NBPF11: variants seen among roughly 807,000 people sequenced by gnomAD.
The protein encoded by NBPF11 is NBPF member 11, also known as NBPF family member NBPF11.
NBPF11 carries 72 observed loss-of-function variants against 93.9 expected under a neutral mutation model. The ratio of observed to expected loss-of-function variants is 0.77; its 90% CI spans 0.63 to 0.93. The LOEUF is 0.93. NBPF11 is among the 40% of genes least tolerant of loss of function. NBPF11 has a pLI of 0.00. For synonymous variants in NBPF11, 224 were observed against 304.9 expected (o/e 0.73, Z 2.76); for missense variants, 705 against 802.2 (o/e 0.88, Z 1.46).
intron 14 of NBPF11, among the ~76,000 whole-genome samples, chr1:148,115,553 C>T (rs1553269332): frequency 6.6e-6 from 1 of 151,750 alleles, no homozygotes; most frequent in Middle Eastern, 3.2e-3. Flanking sequence ...GCCTGTGCAC[C>T]TCCTGCACTG....
At position 148,105,399 on chromosome 1, in the gene NBPF11, A is replaced by G. The variant is rs1663307079; in HGVS notation, c.2433T>C (p.His811=). The stretch of plus-strand genomic sequence containing the variant: ...GAAAAGCCAACATGTTTTTCCTCCA[A>G]TGCATAAAAGGAACTTCCGTAGGGC... ...PASPTEVPFM[H]WRKNMLAFLL... The change falls in exon 22 of 24, where the codon CAT becomes CAC. Residue 811 remains histidine, a synonymous_variant. Transcript: ENST00000682118. 14 of 1,001,268 alleles carry G rather than the reference A, an allele frequency of 1.4e-5. No individual in the cohort carries two copies. In the East Asian group the frequency reaches 2.1e-4, roughly 15 times the overall value. 62.0% of individuals were successfully genotyped at this position (1,001,268 alleles called of 1,614,324 possible). A position where few individuals can be genotyped will look rare whatever the true frequency, so the allele number is the denominator to read the frequency against.
chr1:148,121,793 C>G (rs1387147266), intron 9 of NBPF11, among the ~76,000 whole-genome samples: 8 of 152,012 alleles, frequency 5.3e-5, no homozygotes, highest in Non-Finnish European at 1.0e-4. Context: ...AGGCGGGCAG[C>G]ACCATGCCTG....
chr1:148,107,529 A>G (rs1426499898), intron 19 of NBPF11, among the ~76,000 whole-genome samples, 182 bp downstream of exon 19: 1 of 152,290 alleles, frequency 6.6e-6, no homozygotes, highest in African/African-American at 2.4e-5. Flanking sequence ...AAGTTAGTAA[A>G]TGACAAGGGG....
At chr1:148,125,206 A>C (rs1553272793) in intron 5 of NBPF11, among the ~76,000 whole-genome samples, 11 of 151,730 alleles carry the variant, frequency 7.2e-5, no homozygotes, top group East Asian at 1.9e-4. Flanking sequence ...AGAAAGAGAA[A>C]CTCAAGGGCG....
chr1:148,132,144 G>GTA (rs1302793020), intron 4 of NBPF11, among the ~76,000 whole-genome samples: 1,880 of 137,436 alleles, frequency 0.014, 10 homozygotes, highest in East Asian at 0.043. Context: ...GTGTGTGTGT[G>GTA]TATATATATA....
At chr1:148,127,247 A>T (rs1379317776) in intron 4 of NBPF11, 2 of 229,082 alleles carry the variant, frequency 8.7e-6, no homozygotes, top group Non-Finnish European at 1.5e-5. Flanking sequence ...TCAGACTCTG[A>T]TAAGAGTGAG....
chr1:148,136,614 C>A (rs1445100067), intron 3 of NBPF11, among the ~76,000 whole-genome samples: 2 of 152,112 alleles, frequency 1.3e-5, no homozygotes, highest in Admixed American at 6.5e-5. Context: ...GGCTGTGGAT[C>A]CTTACTAAGA....
intron 1 of NBPF11, among the ~76,000 whole-genome samples, chr1:148,144,835 T>C (rs1672743777): frequency 1.3e-5 from 2 of 151,488 alleles, no homozygotes; most frequent in African/African-American, 4.9e-5. Flanking sequence ...CTGGGCATGG[T>C]GGTGCATGCC....
Position 148,131,902 on chromosome 1 carries a change from A to C in NBPF11, c.-36+3770T>G, listed in dbSNP as rs199943734. Among the ~76,000 whole-genome samples, 258 of 97,248 alleles carry C rather than the reference A, an allele frequency of 2.7e-3. No homozygotes were observed. In the East Asian group the frequency reaches 0.035, roughly 13 times the overall value. The allele number at this position is 97,248 out of a possible 152,430, so 63.8% of individuals were successfully genotyped here. On this transcript the variant is annotated intron_variant, in intron 4 of 23. Coordinates refer to ENST00000682118, the MANE Select transcript of NBPF11 (RefSeq NM_001385469.3). ...CAAGTATAAGACTTCCAAGTGCTTTATATCCTCACCAACATGTGCTATTTT... is the reference window on the plus strand; with the variant it reads ...CAAGTATAAGACTTCCAAGTGCTTTCTATCCTCACCAACATGTGCTATTTT...
intron 14 of NBPF11, among the ~76,000 whole-genome samples, chr1:148,115,399 G>A (rs1666258353): frequency 6.7e-6 from 1 of 149,706 alleles, no homozygotes; most frequent in Non-Finnish European, 1.5e-5. Context: ...TGAAACCTGG[G>A]GAAAAATATT....
chr1:148,105,497 G>T lies in NBPF11; in HGVS notation c.2335C>A (p.Pro779Thr), dbSNP rs1248024612. Residue 779 changes from proline (P) to threonine (T), a missense_variant, in exon 22 of 24, where the codon CCT becomes ACT. By Grantham distance (38) the Pro-to-Thr change is conservative (BLOSUM62 -1). This residue lies in a region of NBPF11 where 109 missense variants were observed against 83.3 expected (regional missense o/e 1.31). Transcript: ENST00000682118. ...TCCAGTGAGTCCTGCAAGACTTCAG[G>T]CTCTACTACCTCCAGCAGCTCCCTG... ...LSRELLEVVE[P>T]EVLQDSLDVI... 7.1e-5 allele frequency: 74 copies of T among 1,047,670 alleles called. 13 individuals are homozygous for T. In the East Asian group the frequency reaches 8.7e-4, roughly 12 times the overall value. 64.9% of individuals were successfully genotyped at this position (1,047,670 alleles called of 1,614,324 possible).
chr1:148,121,639 C>A (rs1204844375), intron 9 of NBPF11, among the ~76,000 whole-genome samples: 1 of 151,668 alleles, frequency 6.6e-6, no homozygotes, highest in Non-Finnish European at 1.5e-5. Flanking sequence ...ACAGGTGTGA[C>A]CCACTGCGCC....
Position 148,118,732 on chromosome 1 carries a change from G to C in NBPF11, c.989-10C>G, listed in dbSNP as rs2149221306. On this transcript the variant is annotated splice_polypyrimidine_tract_variant and intron_variant, in intron 10 of 23. Transcript: ENST00000682118. ...TTGCACTCTTCATATTCTGAGAAAA[G>C]ACAGACACGCCTGCATCAGTGGAAG... The C allele has an allele frequency of 6.2e-7, 1 of 1,608,882 alleles. No homozygotes were observed. The highest frequency in any genetic ancestry group is 1.1e-5 in the South Asian group (1 of 90,928).
At chr1:148,134,761 T>C (rs1427621300) in intron 4 of NBPF11, among the ~76,000 whole-genome samples, 1 of 151,890 alleles carries the variant, frequency 6.6e-6, no homozygotes, top group African/African-American at 2.4e-5. Flanking sequence ...CTCAATTATG[T>C]GTTGAAGAGT....
At chr1:148,149,269 G>A in intron 1 of NBPF11, 3 of 1,596,246 alleles carry the variant, frequency 1.9e-6, no homozygotes, top group South Asian at 2.2e-5. Flanking sequence ...TGCTGCACTC[G>A]CCGCTCACCT....
intron 1 of NBPF11, chr1:148,146,974 G>A (rs1270034020): frequency 6.6e-7 from 1 of 1,506,770 alleles, no homozygotes; most frequent in Non-Finnish European, 8.9e-7. Context: ...GAGGGGACCA[G>A]GCGGGGGGCC....
At chr1:148,140,884 T>A (rs1672057437) in intron 2 of NBPF11, among the ~76,000 whole-genome samples, 1 of 151,718 alleles carries the variant, frequency 6.6e-6, no homozygotes. Flanking sequence ...ATCATAATTG[T>A]CAAAACTTGG....
At chr1:148,127,720 G>A (rs1387651260) in intron 4 of NBPF11, among the ~76,000 whole-genome samples, 3 of 135,440 alleles carry the variant, frequency 2.2e-5, no homozygotes. Context: ...TAGGCTCACT[G>A]CAAGCTCTGC....
intron 4 of NBPF11, among the ~76,000 whole-genome samples, chr1:148,133,645 T>A (rs1277379796): frequency 1.3e-5 from 2 of 151,886 alleles, no homozygotes; most frequent in African/African-American, 4.9e-5. Flanking sequence ...ATTTTTTAAA[T>A]ATAAAAAAGA....
Sources: gnomAD v4.1 joint callset for allele counts (sites outside exome capture counted in the v4.1 genomes callset) on GRCh38, gnomAD v4.1.1 for gene constraint, gnomAD v4.1.1 regional missense constraint, MANE v1.5 for transcripts, NCBI Gene and HGNC (gene_info 2026-07-23, HGNC 2026-07-21) for gene names.